DNAH5: variants seen among roughly 807,000 people sequenced by gnomAD.
The protein encoded by DNAH5 is dynein axonemal heavy chain 5.
In DNAH5, 372 loss-of-function variants were observed where a neutral mutation model predicts 518.2. The ratio of observed to expected loss-of-function variants is 0.72; its 90% CI spans 0.66 to 0.78. The LOEUF is 0.78. Ranked by LOEUF, DNAH5 falls within the 30% of genes least tolerant of loss-of-function variation. DNAH5 has a pLI of 0.00. For synonymous variants in DNAH5, 2,039 were observed against 2,025.9 expected, an observed-to-expected ratio of 1.01 and a Z score of -0.17; for missense variants, 5,523 against 5,687.0, an observed-to-expected ratio of 0.97 and a Z score of 0.93.
At chr5:14,000,635 C>CCAA (rs1554009879) in intron 1 of DNAH5, among the ~76,000 whole-genome samples, 1 of 126,230 alleles carries the variant, frequency 7.9e-6, no homozygotes, top group Non-Finnish European at 1.7e-5. Flanking sequence ...GTTAAAAAGC[C>CCAA]AAAAAAAAAA....
intron 11 of DNAH5, among the ~76,000 whole-genome samples, chr5:13,913,057 C>G (rs371131232): frequency 1.1e-4 from 17 of 151,866 alleles, no homozygotes; most frequent in African/African-American, 4.1e-4. Flanking sequence ...TTATATGATC[C>G]TTTTCAAATT....
At chr5:13,804,099 A>G (rs1759187763) in intron 47 of DNAH5, among the ~76,000 whole-genome samples, 1 of 152,210 alleles carries the variant, frequency 6.6e-6, no homozygotes, top group African/African-American at 2.4e-5. Context: ...AAATAAAAAA[A>G]TTAATATTAG....
At chr5:13,724,211 G>T (rs1394272598) in intron 70 of DNAH5, among the ~76,000 whole-genome samples, 1 of 152,228 alleles carries the variant, frequency 6.6e-6, no homozygotes, top group East Asian at 1.9e-4. Context: ...AGTTTTGGGA[G>T]CCCATCCCTT....
At chr5:13,986,075 G>C (rs984057177) in intron 1 of DNAH5, among the ~76,000 whole-genome samples, 1 of 152,204 alleles carries the variant, frequency 6.6e-6, no homozygotes, top group Non-Finnish European at 1.5e-5. Flanking sequence ...CACCGAAGGA[G>C]TGCCCACCAG....
chr5:13,960,251 G>A (rs1465859469), intron 1 of DNAH5, among the ~76,000 whole-genome samples: 2 of 152,178 alleles, frequency 1.3e-5, no homozygotes, highest in Admixed American at 6.5e-5. Context: ...GAGGAGAAAC[G>A]AGGTGGACCG....
At chr5:13,891,147 A>G (rs1239264761) in intron 16 of DNAH5, 26 bp from the exon 17 acceptor site, 3 of 1,613,144 alleles carry the variant, frequency 1.9e-6, no homozygotes, top group Admixed American at 3.3e-5. Flanking sequence ...AAAGTAAATA[A>G]AAGAGATTAG....
In DNAH5 at chr5:13,900,387, T is replaced by A. The variant is rs1445128985; in HGVS notation, c.2078A>T (p.Glu693Val). 1.2e-6 allele frequency: 2 copies of A among 1,614,114 alleles called. No individual in the cohort carries two copies. The change falls in exon 15 of 79, where the codon GAG (glutamate) becomes GTG (valine). Residue 693 changes from glutamate (E) to valine (V), a missense_variant. Glu to Val is a moderately radical substitution (Grantham distance 121, BLOSUM62 -2). This residue lies in a region of DNAH5 where 5,121 missense variants were observed against 5,223.3 expected (regional missense o/e 0.98). Transcript: ENST00000265104. ...TGGAGCCTTCACCAATAATGAAGCCTCAAGACCTACATGAATTTCTTCAAT... is the reference window on the plus strand; with the variant it reads ...TGGAGCCTTCACCAATAATGAAGCCACAAGACCTACATGAATTTCTTCAAT... Reference protein sequence around the residue: ...RQIEEIHVGLEASLLVKAPGT... With the variant: ...RQIEEIHVGLVASLLVKAPGT...
At chr5:13,898,931 T>C in intron 15 of DNAH5, 1 of 246,812 alleles carries the variant, frequency 4.1e-6, no homozygotes, top group Non-Finnish European at 7.7e-6. Context: ...TTTTTGTTGT[T>C]TTTTGTTTGT....
At chr5:13,902,318 A>G (rs1774740100) in intron 12 of DNAH5, among the ~76,000 whole-genome samples, 180 bp from the exon 13 acceptor site, 1 of 152,216 alleles carries the variant, frequency 6.6e-6, no homozygotes, top group South Asian at 2.1e-4. Context: ...GAGAGACTTG[A>G]AAGCCAGATC....
intron 1 of DNAH5, among the ~76,000 whole-genome samples, chr5:14,002,175 G>A (rs34005365): frequency 0.026 from 3,972 of 152,010 alleles, 129 homozygotes; most frequent in East Asian, 0.19. Context: ...GGGATTACAG[G>A]TTTGAGCCAC....
intron 42 of DNAH5, 62 bp from the exon 43 acceptor site, chr5:13,814,908 A>C: frequency 6.7e-7 from 1 of 1,503,534 alleles, no homozygotes; most frequent in Non-Finnish European, 9.2e-7. Flanking sequence ...ATGTACACAT[A>C]AGTTTAAAAT....
chr5:13,747,913 T>C (rs1338931639), intron 65 of DNAH5, among the ~76,000 whole-genome samples: 2 of 152,266 alleles, frequency 1.3e-5, no homozygotes, highest in Non-Finnish European at 2.9e-5. Context: ...TTGGCTTTTG[T>C]TGCCATTGCT....
chr5:13,850,834 A>G lies in DNAH5; in HGVS notation c.4951-19T>C, dbSNP rs753362042. 35 of 1,613,484 alleles carry G rather than the reference A, an allele frequency of 2.2e-5. No homozygotes were observed. The highest frequency in any genetic ancestry group is 2.8e-5 in the Non-Finnish European group (33 of 1,179,538). ...TGGCTTCCTATGAGAACAAGGTAAC[A>G]AAGCACACTTAGATTTGGACACATC... On this transcript the variant is annotated intron_variant, in intron 30 of 78. Coordinates refer to ENST00000265104, the MANE Select transcript of DNAH5 (RefSeq NM_001369.3).
chr5:13,712,270 T>A (rs905395683), intron 75 of DNAH5, among the ~76,000 whole-genome samples: 2 of 152,128 alleles, frequency 1.3e-5, no homozygotes, highest in African/African-American at 4.8e-5. Context: ...TAACCACATG[T>A]ATAAGAATAA....
intron 65 of DNAH5, among the ~76,000 whole-genome samples, chr5:13,745,060 T>C (rs1749144267): frequency 6.6e-6 from 1 of 152,108 alleles, no homozygotes; most frequent in Non-Finnish European, 1.5e-5. Flanking sequence ...CACCTGTTTG[T>C]TCATCCAGAA....
intron 31 of DNAH5, among the ~76,000 whole-genome samples, chr5:13,845,706 G>C (rs1765891226): frequency 6.6e-6 from 1 of 150,804 alleles, no homozygotes; most frequent in South Asian, 2.1e-4. Flanking sequence ...AGCATATTTT[G>C]TTATAATTAT....
In DNAH5 at chr5:13,901,439, G is replaced by A. The variant is rs1178756876; in HGVS notation, c.1865C>T (p.Pro622Leu). The change falls in exon 14 of 79, where the codon CCC (proline) becomes CTC (leucine). Residue 622 changes from proline (P) to leucine (L), a missense_variant. Physicochemically the swap from Pro to Leu is moderately conservative, Grantham distance 98. Around this residue, in one of 3 missense-constraint regions of DNAH5, gnomAD observed 5,121 missense variants for 5,223.3 expected, o/e 0.98. Transcript: ENST00000265104. ...GGCCCACAAAATCTTTCCAGCGATGGGAGGCTGGTTTCGAGCCAGAGGAGG... is the reference window on the plus strand; with the variant it reads ...GGCCCACAAAATCTTTCCAGCGATGAGAGGCTGGTTTCGAGCCAGAGGAGG... ...YDPPLARNQP[P>L]IAGKILWARQ... 1.2e-6 allele frequency: 2 copies of A among 1,614,016 alleles called. No homozygotes were observed. The highest frequency in any genetic ancestry group is 1.7e-6 in the Non-Finnish European group (2 of 1,179,988).
In DNAH5 at chr5:13,901,316, T is replaced by C. The variant is rs371236147; in HGVS notation, c.1988A>G (p.Tyr663Cys). 41 of 1,614,052 alleles carry C rather than the reference T, an allele frequency of 2.5e-5. No homozygotes were observed. The highest frequency in any genetic ancestry group is 3.4e-5 in the Non-Finnish European group (40 of 1,180,016). ...CAGGAGGACCTTGGCCATCCTGTTG[T>C]AACTGCGAATTATAGGTTTGGCTTC... ...TAEAKPIIRS[Y>C]NRMAKVLLEF... Residue 663 changes from tyrosine to cysteine, a missense_variant, in exon 14 of 79, where the codon TAC (tyrosine) becomes TGC (cysteine). Tyr to Cys is a radical substitution (Grantham distance 194). This residue lies in a region of DNAH5 where 5,121 missense variants were observed against 5,223.3 expected (regional missense o/e 0.98). Coordinates refer to ENST00000265104, the MANE Select transcript of DNAH5 (RefSeq NM_001369.3).
chr5:13,976,724 TAC>T (rs375620037), intron 1 of DNAH5, among the ~76,000 whole-genome samples: 7 of 109,840 alleles, frequency 6.4e-5, no homozygotes, highest in Admixed American at 9.6e-5. Context: ...CACACACACA[TAC>T]ACACACACAC....
Sources: allele counts gnomAD v4.1 joint callset (sites outside exome capture counted in the v4.1 genomes callset), GRCh38; gene constraint gnomAD v4.1.1; regional missense constraint gnomAD v4.1.1; transcripts MANE v1.5; gene names NCBI Gene and HGNC (gene_info 2026-07-23, HGNC 2026-07-21).